Variants in SRGAP1 observed in about 807,000 individuals in gnomAD.
SRGAP1 encodes the protein SLIT-ROBO Rho GTPase activating protein 1.
Under a neutral mutation model 121.9 loss-of-function variants are expected in SRGAP1, and 43 were observed. That is an observed-to-expected ratio of 0.35 (90% CI 0.28 to 0.46). SRGAP1 has a LOEUF of 0.46. SRGAP1 is among the 20% of genes least tolerant of loss of function. The pLI is 1.00. For synonymous variants in SRGAP1, 447 were observed against 485.4 expected (o/e 0.92, Z 1.04); for missense variants, 1,102 against 1,350.9 (o/e 0.82, Z 2.89).
chr12:64,032,766 C>G, intron 4 of SRGAP1: 1 of 210,678 alleles, frequency 4.7e-6, no homozygotes, highest in East Asian at 9.1e-5. Flanking sequence ...TTTAGCCTGT[C>G]TGTGAATTTT....
intron 6 of SRGAP1, among the ~76,000 whole-genome samples, chr12:64,051,720 A>G (rs1034454564): frequency 6.6e-6 from 1 of 152,126 alleles, no homozygotes; most frequent in Non-Finnish European, 1.5e-5. Flanking sequence ...GTTTGAGATA[A>G]CCTTTACCTA....
At chr12:64,063,957 T>TAC (rs2035494626) in intron 7 of SRGAP1, among the ~76,000 whole-genome samples, 1 of 151,724 alleles carries the variant, frequency 6.6e-6, no homozygotes, top group South Asian at 2.1e-4. Context: ...TATATATATA[T>TAC]ACACATATAA....
chr12:64,063,208 C>A (rs1193374667), intron 7 of SRGAP1, 70 bp downstream of exon 7: 1 of 1,342,542 alleles, frequency 7.4e-7, no homozygotes, highest in Non-Finnish European at 1.0e-6. Context: ...TTGCTATAAT[C>A]TAACAGTTGT....
chr12:64,037,707 A>T (rs2136497438), intron 4 of SRGAP1, among the ~76,000 whole-genome samples: 1 of 152,284 alleles, frequency 6.6e-6, no homozygotes, highest in African/African-American at 2.4e-5. Context: ...TCCCTGCCTT[A>T]TTAGAACTTT....
chr12:64,131,483 C>G (rs2036783990), intron 21 of SRGAP1, among the ~76,000 whole-genome samples: 1 of 152,182 alleles, frequency 6.6e-6, no homozygotes, highest in African/African-American at 2.4e-5. Context: ...CACCACTGTC[C>G]TTCAGGGATG....
At chr12:64,129,975 G>GGTGGTTGTTGTT (rs1555176733) in intron 21 of SRGAP1, among the ~76,000 whole-genome samples, 23 of 151,236 alleles carry the variant, frequency 1.5e-4, no homozygotes, top group Admixed American at 4.6e-4. Flanking sequence ...AGCAGGTCGT[G>GGTGGTTGTTGTT]GTTGTTGTTG....
At chr12:64,081,440 A>G (rs1335213837) in intron 10 of SRGAP1, 1 of 151,780 alleles carries the variant, frequency 6.6e-6, no homozygotes, top group Non-Finnish European at 1.5e-5. Context: ...TGTCTGACAC[A>G]GTTAGGATGA....
chr12:63,962,324 T>G (rs1051360286), intron 1 of SRGAP1, among the ~76,000 whole-genome samples: 1 of 152,232 alleles, frequency 6.6e-6, no homozygotes, highest in African/African-American at 2.4e-5. Context: ...AAGGAGACTT[T>G]TATGCTAAAA....
chr12:63,927,632 T>C (rs776653680), intron 1 of SRGAP1, among the ~76,000 whole-genome samples: 3 of 152,132 alleles, frequency 2.0e-5, no homozygotes, highest in Non-Finnish European at 4.4e-5. Flanking sequence ...GCTTTCTCCA[T>C]CCATTTCTGC....
At chr12:63,948,335 C>T (rs913093044) in intron 1 of SRGAP1, among the ~76,000 whole-genome samples, 2 of 152,084 alleles carry the variant, frequency 1.3e-5, no homozygotes, top group African/African-American at 4.8e-5. Flanking sequence ...GAAAAACCTC[C>T]CTGAAGAACA....
intron 4 of SRGAP1, among the ~76,000 whole-genome samples, chr12:64,039,421 T>G (rs1207946996): frequency 6.6e-6 from 1 of 152,170 alleles, no homozygotes; most frequent in Non-Finnish European, 1.5e-5. Flanking sequence ...AGGCTTAGTT[T>G]GTGCAAACTA....
intron 1 of SRGAP1, among the ~76,000 whole-genome samples, chr12:63,909,180 G>T (rs1247284702): frequency 2.6e-5 from 4 of 152,110 alleles, no homozygotes; most frequent in African/African-American, 7.2e-5. Flanking sequence ...GAGCCACCAC[G>T]CCGGGCCTAC....
In SRGAP1 at chr12:63,903,396, A is replaced by G. The variant is rs546564757; in HGVS notation, c.67+58513A>G. Reference sequence around the variant, plus strand: ...TTTGCAAATTGTAAATTTGTATTGTATTACAAATACAATACGTTTTTGTAT... The same window carrying G: ...TTTGCAAATTGTAAATTTGTATTGTGTTACAAATACAATACGTTTTTGTAT... On this transcript the variant is annotated intron_variant, in intron 1 of 21. Transcript: ENST00000355086. Among the ~76,000 whole-genome samples the G allele has an allele frequency of 2.6e-5, 4 of 152,062 alleles. No homozygotes were observed. The East Asian group carries it at 7.7e-4, about 29-fold the overall frequency.
chr12:64,063,192 C>T, intron 7 of SRGAP1, 54 bp downstream of exon 7: 1 of 1,444,876 alleles, frequency 6.9e-7, no homozygotes, highest in Non-Finnish European at 9.7e-7. Flanking sequence ...TTATATTTCT[C>T]CTCACTTGCT....
intron 15 of SRGAP1, among the ~76,000 whole-genome samples, chr12:64,102,328 T>G (rs2036269545): frequency 6.6e-6 from 1 of 152,246 alleles, no homozygotes; most frequent in South Asian, 2.1e-4. Flanking sequence ...TACACAGAGA[T>G]AGTGATAACG....
At chr12:63,857,299 G>A (rs112870641) in intron 1 of SRGAP1, among the ~76,000 whole-genome samples, 2,769 of 150,700 alleles carry the variant, frequency 0.018, 30 homozygotes, top group South Asian at 0.047. Flanking sequence ...GGCTGGTCTC[G>A]AACTCCCGAC....
chr12:64,038,159 A>G (rs898133165), intron 4 of SRGAP1, among the ~76,000 whole-genome samples: 6 of 152,224 alleles, frequency 3.9e-5, no homozygotes, highest in Admixed American at 6.5e-5. Context: ...TACTTATTTC[A>G]TAAGAGTTTC....
At chr12:63,914,092 G>A (rs550120897) in intron 1 of SRGAP1, among the ~76,000 whole-genome samples, 11 of 152,144 alleles carry the variant, frequency 7.2e-5, no homozygotes, top group Non-Finnish European at 1.3e-4. Flanking sequence ...CAATGACACT[G>A]TGACTCTCAT....
rs73130167 is a variant in SRGAP1, at chr12:64,089,793, C to A, written c.1437-1483C>A. Among the ~76,000 whole-genome samples, 829 of 152,260 alleles carry A rather than the reference C, an allele frequency of 5.4e-3. 11 individuals are homozygous for A. Among genetic ancestry groups the A allele is most frequent in the South Asian group, 0.026 (125 of 4,826 alleles). Reference sequence around the variant, plus strand: ...ACTTCAGGTGCTGCTTGCTGTGCACCTTGTTCATCATATGAGCCCATCTGC... The same window carrying A: ...ACTTCAGGTGCTGCTTGCTGTGCACATTGTTCATCATATGAGCCCATCTGC... On this transcript the variant is annotated intron_variant, in intron 11 of 21. Transcript: ENST00000355086.
Sources: allele counts gnomAD v4.1 joint callset (sites outside exome capture counted in the v4.1 genomes callset), GRCh38; gene constraint gnomAD v4.1.1; transcripts MANE v1.5; gene names NCBI Gene and HGNC (gene_info 2026-07-23, HGNC 2026-07-21).